Variants in ASTN2 observed in about 807,000 individuals in gnomAD.
ASTN2 encodes astrotactin-2.
Under a neutral mutation model 139.8 loss-of-function variants are expected in ASTN2, and 54 were observed. The observed-to-expected ratio is 0.39, with a 90% confidence interval of 0.31 to 0.48. The LOEUF is 0.48. Ranked by LOEUF, ASTN2 falls within the 20% of genes least tolerant of loss-of-function variation. ASTN2 has a pLI of 0.95. For synonymous variants in ASTN2, 756 were observed against 719.5 expected, an observed-to-expected ratio of 1.05 and a Z score of -0.81; for missense variants, 1,565 against 1,725.1, an observed-to-expected ratio of 0.91 and a Z score of 1.64.
intron 1 of ASTN2, among the ~76,000 whole-genome samples, chr9:117,297,252 G>A (rs1379132657): frequency 6.6e-6 from 1 of 152,142 alleles, no homozygotes; most frequent in Non-Finnish European, 1.5e-5. Context: ...CTCACTGTGG[G>A]GAAAGCAGAC....
chr9:116,521,878 G>A (rs1428226946), intron 19 of ASTN2, among the ~76,000 whole-genome samples: 1 of 152,042 alleles, frequency 6.6e-6, no homozygotes, highest in African/African-American at 2.4e-5. Context: ...ATTCTCAAAA[G>A]AAGATATACA....
rs371181158 is a variant in ASTN2, at chr9:116,760,106, T to C, written c.2397-26583A>G. The stretch of plus-strand genomic sequence containing the variant: ...AAAAAATAAGATATCATTATTATCA[T>C]TGCAAAGCACATGTGCACATACTCC... On this transcript the variant is annotated intron_variant, in intron 13 of 22. Coordinates refer to ENST00000313400, the MANE Select transcript of ASTN2 (RefSeq NM_001365068.1). Among the ~76,000 whole-genome samples the C allele has an allele frequency of 9.8e-5, 15 of 152,306 alleles. 2 individuals carry two copies. Among genetic ancestry groups the C allele is most frequent in the Admixed American group, 3.9e-4 (6 of 15,298 alleles).
rs184230491 is a variant in ASTN2, at chr9:116,782,175, C to T, written c.2396+23457G>A. 6.5e-3 allele frequency among the ~76,000 whole-genome samples: 996 copies of T among 152,242 alleles called. 13 individuals carry two copies. Among genetic ancestry groups the T allele is most frequent in the African/African-American group, 0.021 (887 of 41,538 alleles). On this transcript the variant is annotated intron_variant, in intron 13 of 22. Coordinates refer to ENST00000313400, the MANE Select transcript of ASTN2 (RefSeq NM_001365068.1). The stretch of plus-strand genomic sequence containing the variant: ...AAAATCATACCATGCCAGTTTCAGA[C>T]TCAAAGATCACTCTCTAGCTGTCAG...
intron 15 of ASTN2, among the ~76,000 whole-genome samples, chr9:116,727,310 A>G (rs939966535): frequency 3.3e-5 from 5 of 152,166 alleles, no homozygotes; most frequent in Admixed American, 6.5e-5. Flanking sequence ...ACCAACCACA[A>G]TTATTACAAG....
chr9:116,495,095 A>G (rs1269893559), intron 19 of ASTN2, among the ~76,000 whole-genome samples: 2 of 152,202 alleles, frequency 1.3e-5, no homozygotes, highest in Admixed American at 6.5e-5. Context: ...CAAATAATAC[A>G]GGAAAGGAGG....
intron 3 of ASTN2, among the ~76,000 whole-genome samples, chr9:117,190,993 A>G (rs1831333308): frequency 6.6e-6 from 1 of 152,166 alleles, no homozygotes; most frequent in East Asian, 1.9e-4. Flanking sequence ...GTACTTAATT[A>G]AAGCTTGTTG....
chr9:116,779,010 A>G (rs1030928501), intron 13 of ASTN2, among the ~76,000 whole-genome samples: 1 of 152,226 alleles, frequency 6.6e-6, no homozygotes, highest in African/African-American at 2.4e-5. Context: ...ATTATTATAC[A>G]GTAAAAAGCA....
rs1363455977 is a variant in ASTN2 at position 116,628,949 on chromosome 9, T to C, written c.3073-8506A>G. On this transcript the variant is annotated intron_variant, in intron 17 of 22. Transcript: ENST00000313400. ...GCAGAGGTCACACAGATGACGAGCA[T>C]ACCATTAACAGTTTTTGAAGAAAGA... Among the ~76,000 whole-genome samples the C allele has an allele frequency of 3.3e-5, 5 of 152,146 alleles. No individual in the cohort carries two copies. The South Asian group carries it at 1.0e-3, about 31-fold the overall frequency.
chr9:116,467,660 T>C (rs1226614332), intron 20 of ASTN2, among the ~76,000 whole-genome samples: 1 of 152,214 alleles, frequency 6.6e-6, no homozygotes, highest in Non-Finnish European at 1.5e-5. Flanking sequence ...GCAGATACAT[T>C]CTATTTTCCT....
chr9:117,246,539 CT>C (rs1465538411), intron 2 of ASTN2, among the ~76,000 whole-genome samples: 2 of 152,172 alleles, frequency 1.3e-5, no homozygotes, highest in Admixed American at 6.5e-5. Context: ...TATAAAATGA[CT>C]TGTAATTTGT....
chr9:116,700,106 C>T (rs1861098470), intron 16 of ASTN2: 1 of 273,554 alleles, frequency 3.7e-6, no homozygotes, highest in Non-Finnish European at 7.5e-6. Flanking sequence ...CTATAATGTG[C>T]TTCATCTGTG....
chr9:117,018,650 C>T (rs1837785643), intron 6 of ASTN2, among the ~76,000 whole-genome samples: 1 of 152,096 alleles, frequency 6.6e-6, no homozygotes, highest in South Asian at 2.1e-4. Flanking sequence ...CAAATGGTGC[C>T]TTGACAGTTC....
Position 116,487,375 on chromosome 9 carries a change from G to A in ASTN2, c.3481C>T (p.Pro1161Ser). ...ACATCTTACTTGTAGAGACCGTCGG[G>A]CTCCAGACACTTGAAGATGACTGAG... ...IYSVIFKCLE[P>S]DGLYKFTLYA... The change falls in exon 20 of 23, where the codon CCC becomes TCC. Residue 1161 changes from proline to serine, a missense_variant. This residue lies in a region of ASTN2 where 418 missense variants were observed against 465.8 expected (regional missense o/e 0.90). Transcript: ENST00000313400. 6.2e-7 allele frequency: 1 copy of A among 1,613,922 alleles called. No individual in the cohort carries two copies. The highest frequency in any genetic ancestry group is 1.1e-5 in the South Asian group (1 of 91,056).
At chr9:116,879,636 T>C (rs561113843) in intron 10 of ASTN2, among the ~76,000 whole-genome samples, 1 of 152,322 alleles carries the variant, frequency 6.6e-6, no homozygotes, top group South Asian at 2.1e-4. Flanking sequence ...GTCTAGTGCC[T>C]TAAACAGAGG....
intron 10 of ASTN2, among the ~76,000 whole-genome samples, chr9:116,959,402 A>T (rs967192140): frequency 3.3e-5 from 5 of 152,128 alleles, no homozygotes; most frequent in Non-Finnish European, 7.4e-5. Flanking sequence ...CTCAAGGGCT[A>T]TGAGTGTCAC....
In ASTN2 at chr9:117,155,772, C is replaced by T. The variant is rs1363412282; in HGVS notation, c.1016-14294G>A. Among the ~76,000 whole-genome samples, 5 of 152,164 alleles carry T rather than the reference C, an allele frequency of 3.3e-5. No individual in the cohort carries two copies. In the South Asian group the frequency reaches 1.0e-3, roughly 32 times the overall value. On this transcript the variant is annotated intron_variant, in intron 3 of 22. Transcript: ENST00000313400. ...TCCAAGCAGACTTTTTTGCAGTCCA[C>T]ACCAATAATGTAGATTTTATAAACA...
chr9:116,544,414 G>A (rs1387014000), intron 19 of ASTN2, among the ~76,000 whole-genome samples: 1 of 152,112 alleles, frequency 6.6e-6, no homozygotes, highest in East Asian at 1.9e-4. Context: ...AGAACACAAG[G>A]TGTCTTAGAC....
At chr9:116,510,880 T>G (rs1032974843) in intron 19 of ASTN2, among the ~76,000 whole-genome samples, 4 of 152,190 alleles carry the variant, frequency 2.6e-5, no homozygotes, top group African/African-American at 9.6e-5. Flanking sequence ...TGAAGTTGCT[T>G]ATCAGCTTAA....
chr9:116,519,675 G>T (rs1227796120), intron 19 of ASTN2, among the ~76,000 whole-genome samples: 1 of 151,900 alleles, frequency 6.6e-6, no homozygotes, highest in African/African-American at 2.4e-5. Context: ...AGAATTAAAT[G>T]AAATTGAAAC....
Sources: allele counts gnomAD v4.1 joint callset (sites outside exome capture counted in the v4.1 genomes callset), GRCh38; gene constraint gnomAD v4.1.1; regional missense constraint gnomAD v4.1.1; transcripts MANE v1.5; gene names NCBI Gene and HGNC (gene_info 2026-07-23, HGNC 2026-07-21).